The following KANSL1 variants were observed in gnomAD, a reference collection of about 807,000 sequenced individuals.
The protein encoded by KANSL1 is MLL1/MLL complex subunit KANSL1.
KANSL1 carries 22 observed loss-of-function variants against 103.6 expected under a neutral mutation model. The observed-to-expected ratio is 0.21, with a 90% CI of 0.15 to 0.30. The LOEUF is 0.30. Ranked by LOEUF, KANSL1 falls within the 10% of genes least tolerant of loss-of-function variation. KANSL1 has a pLI of 1.00. For missense variants in KANSL1, 1,337 were observed against 1,399.8 expected, an observed-to-expected ratio of 0.96 and a Z score of 0.72; for synonymous variants, 600 against 527.6, an observed-to-expected ratio of 1.14 and a Z score of -1.88.
At chr17:46,085,790 C>T (rs942305206) in intron 3 of KANSL1, among the ~76,000 whole-genome samples, 2 of 152,144 alleles carry the variant, frequency 1.3e-5, no homozygotes, top group African/African-American at 2.4e-5. Flanking sequence ...CCACACCCAG[C>T]TAATTGTTCT....
chr17:46,030,147 GT>G lies in KANSL1; in HGVS notation c.*1328del, dbSNP rs71665335. ...TTTTTTTTTTCCATTTTTTGTTTTT[GT>G]TTTTTTTTTCAATGCTAAAAGGGTT... is the stretch of plus-strand genomic sequence containing the variant. On this transcript the variant is annotated 3_prime_UTR_variant, in exon 15 of 15. Transcript: ENST00000432791. The G allele has an allele frequency of 0.15, 21,445 of 141,984 alleles. 2,078 individuals are homozygous for G. The highest frequency in any genetic ancestry group is 0.24 in the Middle Eastern group (64 of 266). The allele number at this position is 141,984 out of a possible 1,614,324, so 8.8% of individuals were successfully genotyped here. A position where few individuals can be genotyped will look rare whatever the true frequency, so the allele number is the denominator to read the frequency against.
chr17:46,148,673 A>G (rs1395356990), intron 2 of KANSL1, among the ~76,000 whole-genome samples: 2 of 150,076 alleles, frequency 1.3e-5, no homozygotes, highest in East Asian at 2.0e-4. Flanking sequence ...TGCAACCTCT[A>G]CCTCCTGGGT....
intron 6 of KANSL1, among the ~76,000 whole-genome samples, chr17:46,056,848 T>C (rs1478124732): frequency 6.6e-6 from 1 of 152,224 alleles, no homozygotes; most frequent in Non-Finnish European, 1.5e-5. Context: ...GGCACTTCTT[T>C]GTTGTGGGGC....
At chr17:46,133,404 G>A (rs961504369) in intron 2 of KANSL1, among the ~76,000 whole-genome samples, 1 of 152,096 alleles carries the variant, frequency 6.6e-6, no homozygotes, top group Admixed American at 6.5e-5. Flanking sequence ...GAAGACAGGT[G>A]GTAAACGATT....
rs1452444081 is a variant in KANSL1, at chr17:46,193,048, G to GC, written c.-316dup. ...GAGGGGAAGGCGGCGGCGGGGAGCG[G>GC]CTGCTTTTTCTTCTCTTTCGGGCCC... On this transcript the variant is annotated 5_prime_UTR_variant, in exon 1 of 15. Transcript: ENST00000432791. 2.0e-5 allele frequency: 3 copies of GC among 153,038 alleles called. No individual in the cohort carries two copies. Among genetic ancestry groups the GC allele is most frequent in the African/African-American group, 7.3e-5 (3 of 41,332 alleles). 9.5% of individuals were successfully genotyped at this position (153,038 alleles called of 1,614,324 possible). A position where few individuals can be genotyped will look rare whatever the true frequency, so the allele number is the denominator to read the frequency against.
chr17:46,170,981 A>G lies in KANSL1; in HGVS notation c.1163T>C (p.Ile388Thr). 1 of 1,614,198 alleles carries G rather than the reference A, an allele frequency of 6.2e-7. No homozygotes were observed. Among genetic ancestry groups the G allele is most frequent in the Non-Finnish European group, 8.5e-7 (1 of 1,180,056 alleles). Residue 388 changes from isoleucine to threonine, a missense_variant, in exon 2 of 15, where the codon ATA becomes ACA. This residue lies in a region of KANSL1 where 557 missense variants were observed against 476.4 expected (regional missense o/e 1.17). Transcript: ENST00000432791. ...EELERFTASG[I>T]ANLRCSEQAF... is the part of the protein sequence containing the mutation. ...CTGTTCACTGCACCTCAAGTTGGCTATGCCACTAGCTGTAAATCTCTCCAA... is the reference window on the plus strand; with the variant it reads ...CTGTTCACTGCACCTCAAGTTGGCTGTGCCACTAGCTGTAAATCTCTCCAA...
intron 4 of KANSL1, among the ~76,000 whole-genome samples, chr17:46,075,234 C>T (rs2078716497): frequency 6.6e-6 from 1 of 152,182 alleles, no homozygotes; most frequent in Non-Finnish European, 1.5e-5. Context: ...ATGTTAATTT[C>T]AATGTTAATT....
chr17:46,032,146 C>T lies in KANSL1; in HGVS notation c.2991G>A (p.Leu997=), dbSNP rs764260806. ...QSPRSPISPE[L]HSAPLTPVAR... The stretch of plus-strand genomic sequence containing the variant: ...CCACAGGGGTGAGGGGTGCTGAGTG[C>T]AGTTCCGGGCTAATGGGGCTCCTAG... The change falls in exon 14 of 15, where the codon CTG becomes CTA. Residue 997 remains leucine, a synonymous_variant. Transcript: ENST00000432791. The T allele has an allele frequency of 1.9e-6, 3 of 1,614,032 alleles. No homozygotes were observed. The highest frequency in any genetic ancestry group is 1.7e-6 in the Non-Finnish European group (2 of 1,179,970).
At chr17:46,047,944 G>C (rs762970651) in intron 7 of KANSL1, among the ~76,000 whole-genome samples, 1 of 148,416 alleles carries the variant, frequency 6.7e-6, no homozygotes, top group East Asian at 2.0e-4. Flanking sequence ...TCTCACTACC[G>C]TTCCCCAGGC....
At chr17:46,183,202 G>A (rs1404391813) in intron 1 of KANSL1, among the ~76,000 whole-genome samples, 1 of 152,212 alleles carries the variant, frequency 6.6e-6, no homozygotes, top group African/African-American at 2.4e-5. Flanking sequence ...CAGGAGGATG[G>A]CTTCAGGCAA....
At chr17:46,219,564 G>A (rs2048454020) in intron 1 of KANSL1, among the ~76,000 whole-genome samples, 1 of 152,186 alleles carries the variant, frequency 6.6e-6, no homozygotes, top group African/African-American at 2.4e-5. Context: ...ATGGGGTTTT[G>A]CCATGTTGCC....
chr17:46,178,584 G>C lies in KANSL1; in HGVS notation c.-89-6352C>G, dbSNP rs558301454. Among the ~76,000 whole-genome samples the C allele has an allele frequency of 9.2e-5, 14 of 152,248 alleles. No individual in the cohort carries two copies. The South Asian group carries it at 2.9e-3, about 32-fold the overall frequency. ...TAAGCTTGTACAGATAAAAGAAAAG[G>C]CTACCTATTCAAGGTCATTTAGCTA... is the stretch of plus-strand genomic sequence containing the variant. On this transcript the variant is annotated intron_variant, in intron 1 of 14. Transcript: ENST00000432791.
intron 2 of KANSL1, among the ~76,000 whole-genome samples, chr17:46,165,122 T>C (rs2045929749): frequency 6.6e-6 from 1 of 152,194 alleles, no homozygotes; most frequent in African/African-American, 2.4e-5. Flanking sequence ...TATACATACA[T>C]ACAAACATAC....
chr17:46,213,581 T>C (rs558815488), intron 1 of KANSL1, among the ~76,000 whole-genome samples: 3 of 150,872 alleles, frequency 2.0e-5, no homozygotes, highest in African/African-American at 7.3e-5. Context: ...GTGCTGGGAT[T>C]ACAGGCGTGA....
At chr17:46,070,713 A>G (rs1291203876) in intron 4 of KANSL1, among the ~76,000 whole-genome samples, 1 of 152,132 alleles carries the variant, frequency 6.6e-6, no homozygotes, top group Admixed American at 6.5e-5. Flanking sequence ...TTATTTCGGC[A>G]TTAAATTATG....
At chr17:46,159,552 A>G (rs1414665325) in intron 2 of KANSL1, among the ~76,000 whole-genome samples, 2 of 152,254 alleles carry the variant, frequency 1.3e-5, no homozygotes, top group African/African-American at 2.4e-5. Context: ...GTCCTCAACT[A>G]TTCTTTCAAT....
At chr17:46,148,048 G>C (rs1307508070) in intron 2 of KANSL1, 5 of 152,172 alleles carry the variant, frequency 3.3e-5, no homozygotes, top group African/African-American at 1.2e-4. Context: ...CTACTTCATA[G>C]AAAAGTTATA....
intron 1 of KANSL1, among the ~76,000 whole-genome samples, chr17:46,220,277 C>T (rs1431870264): frequency 6.6e-6 from 1 of 150,390 alleles, no homozygotes; most frequent in African/African-American, 2.5e-5. Flanking sequence ...AGTGCAGTGG[C>T]ACGATCTCGG....
chr17:46,170,704 T>TATGC (rs1365871520), intron 2 of KANSL1, 151 bp downstream of exon 2: 11 of 833,300 alleles, frequency 1.3e-5, no homozygotes, highest in African/African-American at 1.2e-4. Context: ...CTAGCATGTA[T>TATGC]ATGCACTCAT....
Sources: gnomAD v4.1 joint callset for allele counts (sites outside exome capture counted in the v4.1 genomes callset) on GRCh38, gnomAD v4.1.1 for gene constraint, gnomAD v4.1.1 regional missense constraint, MANE v1.5 for transcripts, NCBI Gene and HGNC (gene_info 2026-07-23, HGNC 2026-07-21) for gene names.